UNK: variants seen among roughly 807,000 people sequenced by gnomAD.
The protein encoded by UNK is unk zinc finger, also known as RING finger protein unkempt homolog.
A neutral mutation model predicts 97.6 loss-of-function variants in UNK; 32 were observed. That is an observed-to-expected ratio of 0.33 (90% CI 0.25 to 0.44). The LOEUF is 0.44. Among genes scored for constraint, UNK ranks in the 20% least tolerant of loss-of-function variants. UNK has a pLI of 1.00. For synonymous variants in UNK, 441 were observed against 461.2 expected (o/e 0.96, Z 0.56); for missense variants, 771 against 1,098.4 (o/e 0.70, Z 4.21).
At chr17:75,809,711 G>T in intron 1 of UNK, 49 bp from the exon 2 acceptor site, 2 of 1,548,666 alleles carry the variant, frequency 1.3e-6, no homozygotes, top group Non-Finnish European at 1.7e-6. Context: ...GGAAGCAAGA[G>T]ACTTCATTCT....
chr17:75,813,039 T>C, intron 4 of UNK, 39 bp from the exon 5 acceptor site: 1 of 1,548,462 alleles, frequency 6.5e-7, no homozygotes, highest in Non-Finnish European at 8.7e-7. Flanking sequence ...GTGCTCCAGC[T>C]CCTCTCACCT....
intron 1 of UNK, among the ~76,000 whole-genome samples, chr17:75,800,905 C>A (rs1050192065): frequency 6.6e-6 from 1 of 151,412 alleles, no homozygotes; most frequent in Non-Finnish European, 1.5e-5. Context: ...CAGCATACCA[C>A]ATTTTTTGTT....
Position 75,784,993 on chromosome 17 carries a change from A to C in UNK, c.104+9A>C. Reference sequence around the variant, plus strand: ...AAACCGCAGCACTACACGTACGTAGAGCCCCCCCCCCCCCGCCGCGCGCGC... The same window carrying C: ...AAACCGCAGCACTACACGTACGTAGCGCCCCCCCCCCCCCGCCGCGCGCGC... On this transcript the variant is annotated intron_variant, in intron 1 of 15. Coordinates refer to ENST00000589666, the MANE Select transcript of UNK (RefSeq NM_001080419.3). 10 of 1,109,872 alleles carry C rather than the reference A, an allele frequency of 9.0e-6. No individual in the cohort carries two copies. The highest frequency in any genetic ancestry group is 1.1e-5 in the Non-Finnish European group (9 of 855,552). 68.8% of individuals were successfully genotyped at this position (1,109,872 alleles called of 1,614,324 possible). A position where few individuals can be genotyped will look rare whatever the true frequency, so the allele number is the denominator to read the frequency against.
intron 1 of UNK, among the ~76,000 whole-genome samples, chr17:75,800,906 A>AT: frequency 6.7e-6 from 1 of 149,946 alleles, no homozygotes; most frequent in East Asian, 2.0e-4. Flanking sequence ...AGCATACCAC[A>AT]TTTTTTGTTT....
At chr17:75,794,261 C>G (rs2061786307) in intron 1 of UNK, 1 of 784,428 alleles carries the variant, frequency 1.3e-6, no homozygotes, top group Non-Finnish European at 1.5e-6. Context: ...GTCCGAAACT[C>G]TCTGACATAT....
rs56221993 is a variant in UNK at position 75,802,242 on chromosome 17, C to CTTTTTTTTT, written c.105-7492_105-7484dup. 3.2e-4 allele frequency among the ~76,000 whole-genome samples: 15 copies of CTTTTTTTTT among 47,260 alleles called. 4 individuals carry two copies. The highest frequency in any genetic ancestry group is 1.1e-3 in the African/African-American group (12 of 11,074). 31.0% of individuals were successfully genotyped at this position (47,260 alleles called of 152,430 possible). A position where few individuals can be genotyped will look rare whatever the true frequency, so the allele number is the denominator to read the frequency against. On this transcript the variant is annotated intron_variant, in intron 1 of 15. Transcript: ENST00000589666. ...TGATGGATTTTTTCAGCACAGATGTCTTTTTTTTTTTTTTTTTTTTTTTTT... is the reference window on the plus strand; with the variant it reads ...TGATGGATTTTTTCAGCACAGATGTCTTTTTTTTTTTTTTTTTTTTTTTTTTTTTTTTTT...
intron 2 of UNK, among the ~76,000 whole-genome samples, chr17:75,810,629 G>A (rs996569213): frequency 7.9e-5 from 12 of 152,134 alleles, no homozygotes; most frequent in African/African-American, 2.7e-4. Context: ...CCCCAGGCTG[G>A]AGTGCAGTGG....
In UNK at chr17:75,817,046, A is replaced by G. The variant is rs1273141247; in HGVS notation, c.1104+134A>G. On this transcript the variant is annotated intron_variant, in intron 8 of 15. Coordinates refer to ENST00000589666, the MANE Select transcript of UNK (RefSeq NM_001080419.3). This position sits in a 1 kb window ranked among gnomAD's most constrained non-coding sequence, Gnocchi z 5.8. ...CAGGCCAGGGGGATCTGTCTTTTCCATCTCAGCATTCTTCGTCAAAAGTCC... is the reference window on the plus strand; with the variant it reads ...CAGGCCAGGGGGATCTGTCTTTTCCGTCTCAGCATTCTTCGTCAAAAGTCC... 1 of 1,356,054 alleles carries G rather than the reference A, an allele frequency of 7.4e-7. No individual in the cohort carries two copies. 84.0% of individuals were successfully genotyped at this position (1,356,054 alleles called of 1,614,324 possible).
At chr17:75,792,520 A>T in intron 1 of UNK, 1 of 977,956 alleles carries the variant, frequency 1.0e-6, no homozygotes, top group Non-Finnish European at 1.2e-6. Flanking sequence ...TAAAAATTAC[A>T]TTAGCCTAAT....
chr17:75,818,075 C>G lies in UNK; in HGVS notation c.1306-28C>G. 6.2e-7 allele frequency: 1 copy of G among 1,611,648 alleles called. No individual in the cohort carries two copies. The stretch of plus-strand genomic sequence containing the variant: ...CTCAGGGACCCCCCAGCACCACATT[C>G]ATCCACTCCCTGAATTTTCTCTCTC... On this transcript the variant is annotated intron_variant, in intron 9 of 15. Transcript: ENST00000589666. This position sits in a 1 kb window ranked among gnomAD's most constrained non-coding sequence, Gnocchi z 5.1.
At chr17:75,785,553 TCCCTCGCGGGCTGTGCGGAGC>T (rs988183199) in intron 1 of UNK, 3 of 152,500 alleles carry the variant, frequency 2.0e-5, no homozygotes, top group African/African-American at 7.2e-5. Context: ...CATGACCGTT[TCCCTCGCGGGCTGTGCGGAGC>T]CTGAGTCTGG....
At chr17:75,794,238 G>A in intron 1 of UNK, 3 of 915,876 alleles carry the variant, frequency 3.3e-6, no homozygotes, top group Non-Finnish European at 3.9e-6. Context: ...TTATGGTATT[G>A]TAGTTATGGC....
rs1399528265 is a variant in UNK at position 75,816,615 on chromosome 17, A to G, written c.962-155A>G. ...AGTGCTGGCACAGTGCCTGGCACAC[A>G]GTAAATGCACAGACATGGTGTTACT... On this transcript the variant is annotated intron_variant, in intron 7 of 15. Transcript: ENST00000589666. This position sits in a 1 kb window ranked among gnomAD's most constrained non-coding sequence, Gnocchi z 4.0. 6.6e-6 allele frequency among the ~76,000 whole-genome samples: 1 copy of G among 152,270 alleles called. No homozygotes were observed. Among genetic ancestry groups the G allele is most frequent in the African/African-American group, 2.4e-5 (1 of 41,476 alleles).
At chr17:75,810,895 C>T (rs2061963023) in intron 2 of UNK, among the ~76,000 whole-genome samples, 1 of 152,176 alleles carries the variant, frequency 6.6e-6, no homozygotes, top group African/African-American at 2.4e-5. Context: ...CTTGGCCTCC[C>T]AAAGTGCTGG....
In UNK at chr17:75,825,497, G is replaced by C. The variant is rs1390462848; in HGVS notation, c.*1080G>C. On this transcript the variant is annotated 3_prime_UTR_variant, in exon 16 of 16. Coordinates refer to ENST00000589666, the MANE Select transcript of UNK (RefSeq NM_001080419.3). This position sits in a 1 kb window ranked among gnomAD's most constrained non-coding sequence, Gnocchi z 4.4. ...CTGTTCTGGGCGGACGCCTGTGTGC[G>C]TGTGTGTGTGCCTGTCCAGTGTATA... 6.6e-6 allele frequency: 1 copy of C among 152,626 alleles called. No homozygotes were observed. Among genetic ancestry groups the C allele is most frequent in the Non-Finnish European group, 1.5e-5 (1 of 68,152 alleles). 9.5% of individuals were successfully genotyped at this position (152,626 alleles called of 1,614,324 possible).
rs1599395037 is a variant in UNK, at chr17:75,823,414, G to T, written c.2169G>T (p.Gly723=). The change falls in exon 15 of 16, where the codon GGG becomes GGT. Residue 723 remains glycine (G), a synonymous_variant. Coordinates refer to ENST00000589666, the MANE Select transcript of UNK (RefSeq NM_001080419.3). ...LQEELERLHA[G]PEPQALPAFS... The stretch of plus-strand genomic sequence containing the variant: ...AGGAGCTGGAGCGGCTACACGCGGG[G>T]CCTGAGCCCCAGGCCCTGCCCGCCT... 7 of 1,601,450 alleles carry T rather than the reference G, an allele frequency of 4.4e-6. No individual in the cohort carries two copies. The highest frequency in any genetic ancestry group is 6.0e-6 in the Non-Finnish European group (7 of 1,173,620).
In UNK at chr17:75,795,487, G is replaced by A. The variant is rs151103347; in HGVS notation, c.104+10503G>A. 5.6e-3 allele frequency among the ~76,000 whole-genome samples: 857 copies of A among 152,062 alleles called. 5 individuals carry two copies. The highest frequency in any genetic ancestry group is 0.018 in the African/African-American group (764 of 41,448). On this transcript the variant is annotated intron_variant, in intron 1 of 15. Coordinates refer to ENST00000589666, the MANE Select transcript of UNK (RefSeq NM_001080419.3). ...CCTGAGTAGCTGAGATTACAGGCAC[G>A]CGCCACCACACCTGGCTAATTTTTG...
At chr17:75,815,441 T>C (rs1599384392) in intron 7 of UNK, among the ~76,000 whole-genome samples, 188 bp downstream of exon 7, 2 of 152,344 alleles carry the variant, frequency 1.3e-5, no homozygotes, top group Non-Finnish European at 1.5e-5. Context: ...CTTGAAGGCC[T>C]AGAGCTTCCA....
intron 1 of UNK, among the ~76,000 whole-genome samples, chr17:75,786,530 A>C (rs573838438): frequency 1.3e-5 from 2 of 152,286 alleles, no homozygotes; most frequent in Admixed American, 6.5e-5. Context: ...TCAGTATCTG[A>C]GTCTTTGTCC....
Sources: allele counts gnomAD v4.1 joint callset (sites outside exome capture counted in the v4.1 genomes callset), GRCh38; gene constraint gnomAD v4.1.1; non-coding constraint Gnocchi (gnomAD v3.1); transcripts MANE v1.5; gene names NCBI Gene and HGNC (gene_info 2026-07-23, HGNC 2026-07-21).